The following RRM2 variants were observed in gnomAD, a reference collection of about 807,000 sequenced individuals.
The protein encoded by RRM2 is ribonucleotide reductase regulatory subunit M2.
Under a neutral mutation model 45.9 loss-of-function variants are expected in RRM2, and 6 were observed. The ratio of observed to expected loss-of-function variants is 0.13; its 90% CI spans 0.07 to 0.26. The LOEUF (loss-of-function observed/expected upper bound fraction) is 0.26, where lower values mean the gene tolerates loss of function less well. Ranked by LOEUF, RRM2 falls within the 10% of genes least tolerant of loss-of-function variation. The pLI is 1.00. For missense variants in RRM2, 343 were observed against 489.5 expected (o/e 0.70, Z 2.82); for synonymous variants, 177 against 173.0 (o/e 1.02, Z -0.18).
upstream of RRM2, among the ~76,000 whole-genome samples, chr2:10,138,657 A>G (rs1663030763): frequency 6.6e-6 from 1 of 152,146 alleles, no homozygotes; most frequent in African/African-American, 2.4e-5. Flanking sequence ...ACTGCTTATG[A>G]AACGGTTGGG....
In RRM2 at chr2:10,127,455, T is replaced by C. The variant is rs1662803761; in HGVS notation, c.798+235T>C. The C allele has an allele frequency of 4.6e-6, 2 of 432,288 alleles. No individual in the cohort carries two copies. The highest frequency in any genetic ancestry group is 8.1e-5 in the South Asian group (2 of 24,602). The allele number at this position is 432,288 out of a possible 1,614,324, so 26.8% of individuals were successfully genotyped here. On this transcript the variant is annotated intron_variant, in intron 7 of 9. Coordinates refer to ENST00000304567, the MANE Select transcript of RRM2 (RefSeq NM_001034.4). The surrounding 1 kb of genome is among the most constrained non-coding windows in gnomAD (Gnocchi z 4.1). ...GTACATATGTATTCCCCTATAGGCT[T>C]TGAATGCATAAAACTACAAGTTCTT... is the stretch of plus-strand genomic sequence containing the variant.
Position 10,126,192 on chromosome 2 carries a change from A to AT in RRM2, c.570-683_570-682insT, listed in dbSNP as rs1341559974. Among the ~76,000 whole-genome samples the AT allele has an allele frequency of 6.0e-4, 10 of 16,584 alleles. 1 individual carries two copies. In the South Asian group the frequency reaches 9.0e-3, roughly 15 times the overall value. The allele number at this position is 16,584 out of a possible 152,430, so 10.9% of individuals were successfully genotyped here. A position where few individuals can be genotyped will look rare whatever the true frequency, so the allele number is the denominator to read the frequency against. On this transcript the variant is annotated intron_variant, in intron 5 of 9. Transcript: ENST00000304567. ...AAAAAAAAAAAAAAAAAAAAAAAAA[A>AT]GCTGCCCAATGTCTGGTGCCCTTGG... is the stretch of plus-strand genomic sequence containing the variant.
chr2:10,194,266 G>A (rs1205340658), intron 3 of RRM2, among the ~76,000 whole-genome samples: 1 of 152,204 alleles, frequency 6.6e-6, no homozygotes, highest in African/African-American at 2.4e-5. Flanking sequence ...GGCCTCCTGG[G>A]ACAGAGAAGT....
At chr2:10,210,879 G>A in exon 4 of RRM2, 1 of 280,840 alleles carries the variant, frequency 3.6e-6, no homozygotes, top group South Asian at 3.5e-5. Flanking sequence ...TCCCATGTGA[G>A]GACACAGAGG....
intron 3 of RRM2, among the ~76,000 whole-genome samples, chr2:10,166,833 G>A (rs1663692971): frequency 1.3e-5 from 2 of 152,250 alleles, no homozygotes; most frequent in Non-Finnish European, 2.9e-5. Context: ...GCATGAGCGT[G>A]TCTAGATGGT....
intron 3 of RRM2, among the ~76,000 whole-genome samples, chr2:10,175,192 G>A (rs1017753128): frequency 6.6e-6 from 1 of 152,220 alleles, no homozygotes; most frequent in East Asian, 1.9e-4. Flanking sequence ...TATAGAGCAT[G>A]GCCAGTGCCC....
At chr2:10,125,110 G>C (rs1662751787) in intron 5 of RRM2, among the ~76,000 whole-genome samples, 1 of 152,160 alleles carries the variant, frequency 6.6e-6, no homozygotes, top group Non-Finnish European at 1.5e-5. Context: ...CCTAGATGTT[G>C]GGTAAGACAA....
chr2:10,174,728 G>A (rs745967372), intron 3 of RRM2, among the ~76,000 whole-genome samples: 6 of 152,092 alleles, frequency 3.9e-5, no homozygotes, highest in East Asian at 3.9e-4. Context: ...TTAGCCAGGC[G>A]TGGTGGCACA....
At chr2:10,138,094 A>G (rs1339895996), upstream of RRM2, among the ~76,000 whole-genome samples, 1 of 151,486 alleles carries the variant, frequency 6.6e-6, no homozygotes, top group African/African-American at 2.4e-5. Flanking sequence ...TCTGCCTCCC[A>G]GGTTCAAGTG....
In RRM2 at chr2:10,210,136, G is replaced by A. The variant is rs549038801; in HGVS notation, n.483-175G>A. Among the ~76,000 whole-genome samples, 6 of 152,240 alleles carry A rather than the reference G, an allele frequency of 3.9e-5. No individual in the cohort carries two copies. In the East Asian group the frequency reaches 7.7e-4, roughly 20 times the overall value. On this transcript the variant is annotated intron_variant and non_coding_transcript_variant, in intron 3 of 3. Coordinates refer to the RRM2 transcript ENST00000381786. ...TGGCCCCAGCCCTCCTCCCTGTGCC[G>A]AAATCATCTCTCTGTGGACCTTTCT...
chr2:10,192,755 C>A (rs879796753), intron 3 of RRM2: 2 of 153,304 alleles, frequency 1.3e-5, no homozygotes. Flanking sequence ...ACTCCACCCC[C>A]CCCTGCTGCC....
intron 3 of RRM2, among the ~76,000 whole-genome samples, chr2:10,178,813 C>T (rs761427105): frequency 6.6e-6 from 1 of 152,108 alleles, no homozygotes; most frequent in Non-Finnish European, 1.5e-5. Context: ...GATTAAGTCA[C>T]GAGGGCTGTG....
At chr2:10,142,756 C>T (rs1207591222) in intron 3 of RRM2, among the ~76,000 whole-genome samples, 1 of 152,202 alleles carries the variant, frequency 6.6e-6, no homozygotes, top group Admixed American at 6.5e-5. Context: ...GACGATGTGG[C>T]TGTGTTGCAT....
chr2:10,127,314 G>C lies in RRM2; in HGVS notation c.798+94G>C. The C allele has an allele frequency of 7.9e-7, 1 of 1,270,158 alleles. No homozygotes were observed. The highest frequency in any genetic ancestry group is 1.1e-6 in the Non-Finnish European group (1 of 907,860). The allele number at this position is 1,270,158 out of a possible 1,614,324, so 78.7% of individuals were successfully genotyped here. A position where few individuals can be genotyped will look rare whatever the true frequency, so the allele number is the denominator to read the frequency against. On this transcript the variant is annotated intron_variant, in intron 7 of 9. Coordinates refer to ENST00000304567, the MANE Select transcript of RRM2 (RefSeq NM_001034.4). This position sits in a 1 kb window ranked among gnomAD's most constrained non-coding sequence, Gnocchi z 4.1. ...TGACGGGGACCTGAGATGCTAGATGGCATATATCCACATTTAATGTGTGAG... is the reference window on the plus strand; with the variant it reads ...TGACGGGGACCTGAGATGCTAGATGCCATATATCCACATTTAATGTGTGAG...
Position 10,141,536 on chromosome 2 carries a change from G to A in RRM2, n.155G>A, listed in dbSNP as rs1663078367. 1.3e-5 allele frequency: 5 copies of A among 379,522 alleles called. No homozygotes were observed. The South Asian group carries it at 1.4e-4, about 10-fold the overall frequency. The allele number at this position is 379,522 out of a possible 1,614,324, so 23.5% of individuals were successfully genotyped here. ...GCAGAGGTCTGGGCACATGGTGGTG[G>A]ACAGTGGCTATTAACTGTGGTTGTG... is the stretch of plus-strand genomic sequence containing the variant. On this transcript the variant is annotated non_coding_transcript_exon_variant, in exon 1 of 4. Coordinates refer to the RRM2 transcript ENST00000381786.
At chr2:10,167,998 G>T (rs1348748415) in intron 3 of RRM2, among the ~76,000 whole-genome samples, 4 of 150,226 alleles carry the variant, frequency 2.7e-5, no homozygotes, top group African/African-American at 9.8e-5. Flanking sequence ...AAATTTAACA[G>T]TCAACAGATC....
chr2:10,210,674 C>A, exon 4 of RRM2: 1 of 1,282,252 alleles, frequency 7.8e-7, no homozygotes, highest in Non-Finnish European at 1.0e-6. Flanking sequence ...GCAAAGCCTG[C>A]AGGCCAGGGA....
At chr2:10,181,063 A>C (rs1664037518) in intron 3 of RRM2, among the ~76,000 whole-genome samples, 1 of 152,150 alleles carries the variant, frequency 6.6e-6, no homozygotes, top group Non-Finnish European at 1.5e-5. Flanking sequence ...CACCGCACCC[A>C]GCCCCCTGTG....
intron 3 of RRM2, among the ~76,000 whole-genome samples, chr2:10,162,493 CTG>C (rs1168281971): frequency 6.6e-6 from 1 of 152,156 alleles, no homozygotes; most frequent in Non-Finnish European, 1.5e-5. Context: ...CCTTCCTTCT[CTG>C]TCCCCAGAAA....
Sources: gnomAD v4.1 joint callset for allele counts (sites outside exome capture counted in the v4.1 genomes callset) on GRCh38, gnomAD v4.1.1 for gene constraint, Gnocchi (gnomAD v3.1) non-coding constraint, MANE v1.5 for transcripts, NCBI Gene and HGNC (gene_info 2026-07-23, HGNC 2026-07-21) for gene names.